Variants in TMEM117 observed in about 807,000 individuals in gnomAD.
The protein encoded by TMEM117 is transmembrane protein 117.
A neutral mutation model predicts 52.4 loss-of-function variants in TMEM117; 27 were observed. The observed-to-expected ratio is 0.51, with a 90% CI of 0.38 to 0.71. TMEM117 has a LOEUF of 0.71. Ranked by LOEUF, TMEM117 falls within the 30% of genes least tolerant of loss-of-function variation. TMEM117 has a pLI of 0.00. For synonymous variants in TMEM117, 215 were observed against 206.3 expected, an observed-to-expected ratio of 1.04 and a Z score of -0.36; for missense variants, 556 against 630.5, an observed-to-expected ratio of 0.88 and a Z score of 1.26.
the TMEM117 span, among the ~76,000 whole-genome samples, chr12:43,822,586 T>A: frequency 6.6e-6 from 1 of 152,096 alleles, no homozygotes; most frequent in Non-Finnish European, 1.5e-5. Flanking sequence ...ATGAGACACT[T>A]ATTCCTCAGT....
At position 43,941,341 on chromosome 12, in the gene TMEM117, AG is replaced by A. The variant is rs535647652; in HGVS notation, c.278-2867del. On this transcript the variant is annotated intron_variant, in intron 2 of 7. Transcript: ENST00000266534. ...TGAATTCTGGGACCTATAGACCTGT[AG>A]GAAAAGTGGCACATAATTTATTTTC... is the stretch of plus-strand genomic sequence containing the variant. 1.9e-3 allele frequency among the ~76,000 whole-genome samples: 292 copies of A among 152,342 alleles called. 1 individual carries two copies. Among genetic ancestry groups the A allele is most frequent in the African/African-American group, 6.8e-3 (283 of 41,582 alleles).
chr12:44,069,399 A>G (rs1277012773), intron 3 of TMEM117, among the ~76,000 whole-genome samples: 1 of 152,202 alleles, frequency 6.6e-6, no homozygotes, highest in Non-Finnish European at 1.5e-5. Flanking sequence ...CTGGCAGTAG[A>G]GAGGGAGAGG....
chr12:44,236,976 C>T (rs534786235), intron 5 of TMEM117, among the ~76,000 whole-genome samples: 5 of 152,104 alleles, frequency 3.3e-5, no homozygotes, highest in African/African-American at 9.6e-5. Context: ...ATTCAGCTTT[C>T]ATTTTGAATC....
chr12:44,180,625 T>C (rs574806287), intron 4 of TMEM117, among the ~76,000 whole-genome samples: 2 of 151,514 alleles, frequency 1.3e-5, no homozygotes, highest in Admixed American at 6.6e-5. Context: ...GTTCTTGTGA[T>C]AGTTTACTGA....
At chr12:44,315,960 G>A (rs925740293) in intron 6 of TMEM117, among the ~76,000 whole-genome samples, 3 of 152,116 alleles carry the variant, frequency 2.0e-5, no homozygotes, top group Non-Finnish European at 4.4e-5. Context: ...CTTTGAGCCT[G>A]TAAGTGTCAT....
intron 6 of TMEM117, among the ~76,000 whole-genome samples, chr12:44,337,706 T>C (rs1951359862): frequency 6.6e-6 from 1 of 152,048 alleles, no homozygotes; most frequent in South Asian, 2.1e-4. Context: ...AAAGAGCTCC[T>C]TGGGGGTTAG....
intron 3 of TMEM117, among the ~76,000 whole-genome samples, chr12:44,026,421 C>T (rs1255980140): frequency 6.6e-6 from 1 of 152,164 alleles, no homozygotes; most frequent in Non-Finnish European, 1.5e-5. Flanking sequence ...CCCTGGGTTT[C>T]CACGTGCCTC....
At chr12:43,830,745 G>A in the TMEM117 span, among the ~76,000 whole-genome samples, 1 of 152,114 alleles carries the variant, frequency 6.6e-6, no homozygotes, top group East Asian at 1.9e-4. Flanking sequence ...AGCAGGGCAG[G>A]GGTGAAATGA....
chr12:44,356,679 A>G (rs1190805630), intron 6 of TMEM117, among the ~76,000 whole-genome samples: 1 of 152,112 alleles, frequency 6.6e-6, no homozygotes, highest in Non-Finnish European at 1.5e-5. Flanking sequence ...CAAGTAAGGA[A>G]AACAGATTTA....
intron 3 of TMEM117, among the ~76,000 whole-genome samples, chr12:44,037,057 C>T (rs1184747388): frequency 6.6e-6 from 1 of 152,142 alleles, no homozygotes; most frequent in Non-Finnish European, 1.5e-5. Flanking sequence ...AGGGCTGCAG[C>T]TCCATGGAGC....
At chr12:44,336,356 G>A (rs1376695668) in intron 6 of TMEM117, among the ~76,000 whole-genome samples, 1 of 151,872 alleles carries the variant, frequency 6.6e-6, no homozygotes. Context: ...GAGTAAAAAG[G>A]TTCTCATGCC....
rs1949197233 is a variant in TMEM117 at position 44,181,430 on chromosome 12, TGCCTATGTCCTGAATGG to T, written c.511-29859_511-29843del. Among the ~76,000 whole-genome samples, 3 of 151,452 alleles carry T rather than the reference TGCCTATGTCCTGAATGG, an allele frequency of 2.0e-5. No individual in the cohort carries two copies. In the South Asian group the frequency reaches 6.2e-4, roughly 31 times the overall value. Reference sequence around the variant, plus strand: ...GTTTTAGACATGAAGTCCTTGCCCATGCCTATGTCCTGAATGGTAATGCCTAGGTTTTCTTCTAGGGT... The same window carrying T: ...GTTTTAGACATGAAGTCCTTGCCCATTAATGCCTAGGTTTTCTTCTAGGGT... On this transcript the variant is annotated intron_variant, in intron 4 of 7. Coordinates refer to ENST00000266534, the MANE Select transcript of TMEM117 (RefSeq NM_032256.3).
intron 6 of TMEM117, among the ~76,000 whole-genome samples, chr12:44,372,797 T>A (rs1201056831): frequency 6.6e-6 from 1 of 152,120 alleles, no homozygotes; most frequent in Non-Finnish European, 1.5e-5. Flanking sequence ...TATGTATTCT[T>A]TGGAGCCAGA....
chr12:43,801,162 G>C, the TMEM117 span, among the ~76,000 whole-genome samples: 35 of 152,306 alleles, frequency 2.3e-4, no homozygotes, highest in Middle Eastern at 3.4e-3. Flanking sequence ...AAGTAACTTT[G>C]ATAGTGACAT....
rs959683587 is a variant in TMEM117, at chr12:44,388,798, G to A, written c.*126G>A. On this transcript the variant is annotated 3_prime_UTR_variant, in exon 8 of 8. Coordinates refer to ENST00000266534, the MANE Select transcript of TMEM117 (RefSeq NM_032256.3). ...GTAAAAATATGAACAATGCCACAAC[G>A]GTGCTCAACATGCTTTTTCTAGGAT... is the stretch of plus-strand genomic sequence containing the variant. The A allele has an allele frequency of 1.7e-5, 17 of 1,018,652 alleles. No homozygotes were observed. The highest frequency in any genetic ancestry group is 2.1e-5 in the Non-Finnish European group (15 of 701,278). The allele number at this position is 1,018,652 out of a possible 1,614,324, so 63.1% of individuals were successfully genotyped here.
At chr12:44,008,635 T>A in intron 3 of TMEM117, 1 of 235,486 alleles carries the variant, frequency 4.2e-6, no homozygotes, top group Middle Eastern at 1.6e-3. Context: ...TTAGCGACAT[T>A]AAACATGCCT....
In TMEM117 at chr12:44,143,575, A is replaced by G. The variant is rs189274428; in HGVS notation, c.461A>G (p.Lys154Arg). The G allele has an allele frequency of 1.2e-6, 2 of 1,614,040 alleles. No individual in the cohort carries two copies. The highest frequency in any genetic ancestry group is 3.3e-5 in the Admixed American group (2 of 60,012). Residue 154 changes from lysine to arginine, a missense_variant, in exon 4 of 8, where the codon AAA becomes AGA. Coordinates refer to ENST00000266534, the MANE Select transcript of TMEM117 (RefSeq NM_032256.3). The part of the protein sequence containing the change: ...YMGIRNESFM[K>R]LAAVGTWMGD... The stretch of plus-strand genomic sequence containing the variant: ...GGCATCCGAAATGAAAGTTTCATGA[A>G]ATTAGCTGCAGTAGGGACCTGGATG...
At chr12:44,126,469 G>A (rs1948326698) in intron 3 of TMEM117, among the ~76,000 whole-genome samples, 1 of 152,002 alleles carries the variant, frequency 6.6e-6, no homozygotes, top group South Asian at 2.1e-4. Flanking sequence ...ACAGCATTAG[G>A]CAATATGTCA....
At chr12:43,944,149 C>A (rs1404057788) in intron 2 of TMEM117, 61 bp from the exon 3 acceptor site, 3 of 1,418,764 alleles carry the variant, frequency 2.1e-6, no homozygotes, top group East Asian at 2.4e-5. Context: ...TAAAATAAAG[C>A]AAAGATCCAT....
Sources: allele counts gnomAD v4.1 joint callset (sites outside exome capture counted in the v4.1 genomes callset), GRCh38; gene constraint gnomAD v4.1.1; transcripts MANE v1.5; gene names NCBI Gene and HGNC (gene_info 2026-07-23, HGNC 2026-07-21).